The following CIDEB variants were observed in gnomAD, a reference collection of about 807,000 sequenced individuals.
CIDEB encodes the protein lipid transferase CIDEB.
In CIDEB, 27 loss-of-function variants were observed where a neutral mutation model predicts 22.4. The ratio of observed to expected loss-of-function variants is 1.21; its 90% CI spans 0.89 to 1.66. The LOEUF (loss-of-function observed/expected upper bound fraction) is 1.66, where lower values mean the gene tolerates loss of function less well. CIDEB is among the 40% of genes most tolerant of loss of function. CIDEB has a pLI of 0.00. For synonymous variants in CIDEB, 103 were observed against 109.5 expected (o/e 0.94, Z 0.37); for missense variants, 289 against 268.7 (o/e 1.08, Z -0.53).
Position 24,305,419 on chromosome 14 carries a change from TG to T in CIDEB, c.*213del. On this transcript the variant is annotated 3_prime_UTR_variant, in exon 5 of 5. Transcript: ENST00000554411. ...CAGGGCAAGTGGGAGGCCAGAAAGG[TG>T]GCTAGGAAAGAACAGCATTCTTCAG... The T allele has an allele frequency of 1.6e-6, 1 of 622,216 alleles. No homozygotes were observed. 38.5% of individuals were successfully genotyped at this position (622,216 alleles called of 1,614,324 possible).
In CIDEB at chr14:24,305,241, A is replaced by C; in HGVS notation, c.*392T>G. ...GAAATGTTTTTGTTAGTTTGAGGGGAAGGGTATGAAGACAGATCTCAAGGT... is the reference window on the plus strand; with the variant it reads ...GAAATGTTTTTGTTAGTTTGAGGGGCAGGGTATGAAGACAGATCTCAAGGT... On this transcript the variant is annotated 3_prime_UTR_variant, in exon 5 of 5. Transcript: ENST00000554411. 1.1e-6 allele frequency: 1 copy of C among 897,908 alleles called. No individual in the cohort carries two copies. The highest frequency in any genetic ancestry group is 1.6e-6 in the Non-Finnish European group (1 of 641,608). 55.6% of individuals were successfully genotyped at this position (897,908 alleles called of 1,614,324 possible).
At chr14:24,308,143 G>A, upstream of CIDEB, 3 of 494,840 alleles carry the variant, frequency 6.1e-6, no homozygotes, top group Non-Finnish European at 1.1e-5. Flanking sequence ...TGTGAGGGTA[G>A]ATGGGAACCA....
At chr14:24,306,631 T>TTGA in intron 2 of CIDEB, 108 bp from the exon 3 acceptor site, 1 of 1,443,392 alleles carries the variant, frequency 6.9e-7, no homozygotes, top group Admixed American at 1.8e-5. Context: ...ATGTCCCACT[T>TTGA]TGACTTTCCG....
At position 24,306,457 on chromosome 14, in the gene CIDEB, C is replaced by T. The variant is rs2041510457; in HGVS notation, c.253G>A (p.Asp85Asn). Residue 85 changes from aspartate (D) to asparagine (N), a missense_variant, in exon 3 of 5, where the codon GAC (aspartate) becomes AAC (asparagine). Physicochemically the swap from Asp to Asn is conservative, Grantham distance 23 (BLOSUM62 1). Transcript: ENST00000554411. The part of the protein sequence containing the change: ...LVLEEDGTAV[D>N]SEDFFQLLED... ...AGCAGCTGGAAGAAGTCCTCACTGT[C>T]CACTGCAGTTCCATCCTCCTCTAGC... 1 of 1,614,254 alleles carries T rather than the reference C, an allele frequency of 6.2e-7. No homozygotes were observed. The highest frequency in any genetic ancestry group is 8.5e-7 in the Non-Finnish European group (1 of 1,180,044).
In CIDEB at chr14:24,306,426, TCC is replaced by T; in HGVS notation, c.282_283del (p.Asp95Ter). 10 of 1,614,222 alleles carry T rather than the reference TCC, an allele frequency of 6.2e-6. No individual in the cohort carries two copies. Among genetic ancestry groups the T allele is most frequent in the Non-Finnish European group, 8.5e-6 (10 of 1,180,040 alleles). Reference sequence around the variant, plus strand: ...CTGCAACACCATCAGGCACGTGTCATCCTCCAGCAGCTGGAAGAAGTCCTCAC... The same window carrying T: ...CTGCAACACCATCAGGCACGTGTCATTCCAGCAGCTGGAAGAAGTCCTCAC... On this transcript the variant is annotated frameshift_variant, in exon 3 of 5. Transcript: ENST00000554411. LOFTEE classifies it high-confidence loss of function.
Position 24,306,500 on chromosome 14 carries a change from A to G in CIDEB, c.210T>C (p.Asn70=). 1 of 1,614,240 alleles carries G rather than the reference A, an allele frequency of 6.2e-7. No homozygotes were observed. The highest frequency in any genetic ancestry group is 8.5e-7 in the Non-Finnish European group (1 of 1,180,036). ...LAKALETLLL[N]GVLTLVLEED... Reference sequence around the variant, plus strand: ...CCTCTAGCACCAGGGTTAGCACTCCATTCAGCAGTAGGGTCTCCAATGCCT... The same window carrying G: ...CCTCTAGCACCAGGGTTAGCACTCCGTTCAGCAGTAGGGTCTCCAATGCCT... The change falls in exon 3 of 5, where the codon AAT becomes AAC. Residue 70 remains asparagine (N), a synonymous_variant. Coordinates refer to ENST00000554411, the MANE Select transcript of CIDEB (RefSeq NM_001393339.1).
At chr14:24,305,885 G>A (rs972895574) in intron 4 of CIDEB, 62 bp downstream of exon 4, 2 of 1,583,770 alleles carry the variant, frequency 1.3e-6, no homozygotes, top group African/African-American at 1.3e-5. Flanking sequence ...GGTGCAAGAG[G>A]ACGAATTATG....
chr14:24,311,307 T>C (rs750466222), upstream of CIDEB: 297 of 1,593,876 alleles, frequency 1.9e-4, no homozygotes, highest in Non-Finnish European at 2.5e-4. Flanking sequence ...CCGCTGGGGC[T>C]CCGGGCGGCA....
At chr14:24,311,300 C>A, upstream of CIDEB, 1 of 1,591,958 alleles carries the variant, frequency 6.3e-7, no homozygotes, top group Admixed American at 1.8e-5. Context: ...GGGGCGCCCG[C>A]TGGGGCTCCG....
At chr14:24,306,223 C>T (rs1594626784) in intron 3 of CIDEB, 86 bp from the exon 4 acceptor site, 7 of 1,529,224 alleles carry the variant, frequency 4.6e-6, no homozygotes, top group Non-Finnish European at 6.3e-6. Context: ...GACCCTCCCT[C>T]GCTTGGACTT....
Position 24,305,195 on chromosome 14 carries a change from A to T in CIDEB, c.*438T>A. 1 of 1,172,828 alleles carries T rather than the reference A, an allele frequency of 8.5e-7. No homozygotes were observed. The highest frequency in any genetic ancestry group is 1.1e-6 in the Non-Finnish European group (1 of 881,936). The allele number at this position is 1,172,828 out of a possible 1,614,324, so 72.7% of individuals were successfully genotyped here. On this transcript the variant is annotated 3_prime_UTR_variant, in exon 5 of 5. Transcript: ENST00000554411. ...AATTGGAGTCAGAAGTCTTAGTGGT[A>T]AATATTTGATATTTTTATTGGAAAT...
upstream of CIDEB, chr14:24,311,291 G>C: frequency 6.3e-7 from 1 of 1,590,100 alleles, no homozygotes; most frequent in Non-Finnish European, 8.6e-7. Context: ...CACGGCTGCG[G>C]GGCGCCCGCT....
intron 2 of CIDEB, 49 bp downstream of exon 2, chr14:24,307,322 G>A (rs749180656): frequency 6.4e-7 from 1 of 1,570,382 alleles, no homozygotes; most frequent in Admixed American, 1.8e-5. Context: ...CTGTTGTGGA[G>A]CCCCTTGGCT....
chr14:24,311,234 C>CG, upstream of CIDEB: 1 of 1,608,836 alleles, frequency 6.2e-7, no homozygotes, highest in Non-Finnish European at 8.5e-7. Context: ...TGACCGCTTT[C>CG]GTGCTTCCTT....
At chr14:24,306,692 G>T in intron 2 of CIDEB, 169 bp from the exon 3 acceptor site, 1 of 764,776 alleles carries the variant, frequency 1.3e-6, no homozygotes, top group Non-Finnish European at 2.1e-6. Context: ...TTCAGTTTTT[G>T]GGGGATCCTA....
chr14:24,311,395 A>G (rs1204931140), upstream of CIDEB: 3 of 1,602,502 alleles, frequency 1.9e-6, no homozygotes, highest in African/African-American at 1.3e-5. Flanking sequence ...CACGCAGTCA[A>G]CCTTCTGCAG....
At chr14:24,308,472 T>C (rs2041590436), upstream of CIDEB, 1 of 153,646 alleles carries the variant, frequency 6.5e-6, no homozygotes, top group Admixed American at 6.4e-5. Context: ...CTGGCCTTCC[T>C]GCTTACCTGC....
upstream of CIDEB, chr14:24,311,347 C>T (rs369905908): frequency 5.0e-6 from 8 of 1,605,664 alleles, no homozygotes; most frequent in Non-Finnish European, 5.9e-6. Context: ...CTGGTGAGCG[C>T]CATCGTGCTT....
chr14:24,311,396 CCTT>C, upstream of CIDEB: 3 of 1,602,524 alleles, frequency 1.9e-6, no homozygotes, highest in South Asian at 1.1e-5. Flanking sequence ...ACGCAGTCAA[CCTT>C]CTGCAGGCGG....
Sources: gnomAD v4.1 joint callset for allele counts on GRCh38, gnomAD v4.1.1 for gene constraint, MANE v1.5 for transcripts, NCBI Gene and HGNC (gene_info 2026-07-23, HGNC 2026-07-21) for gene names.